The following COL4A4 variants were observed in gnomAD, a reference collection of about 807,000 sequenced individuals.
COL4A4 encodes collagen alpha-4(IV) chain.
COL4A4 carries 105 observed loss-of-function variants against 192.9 expected under a neutral mutation model. That is an observed-to-expected ratio of 0.54 (90% CI 0.46 to 0.64). The LOEUF is 0.64. Ranked by LOEUF, COL4A4 falls within the 30% of genes least tolerant of loss-of-function variation. COL4A4 has a pLI of 0.00. For synonymous variants in COL4A4, 762 were observed against 769.9 expected (o/e 0.99, Z 0.17); for missense variants, 1,967 against 2,169.3 (o/e 0.91, Z 1.85).
At chr2:226,974,805 C>G in the COL4A4 span, among the ~76,000 whole-genome samples, 1 of 152,206 alleles carries the variant, frequency 6.6e-6, no homozygotes, top group East Asian at 1.9e-4. Flanking sequence ...GTGAACCATA[C>G]AGTGCTCACG....
the COL4A4 span, among the ~76,000 whole-genome samples, chr2:226,987,653 A>G: frequency 6.6e-6 from 1 of 152,236 alleles, no homozygotes; most frequent in East Asian, 1.9e-4. Flanking sequence ...CTCTGGGTAC[A>G]GATGAGGGGC....
At chr2:227,125,517 A>G (rs16823241) in intron 4 of COL4A4, among the ~76,000 whole-genome samples, 3,473 of 151,868 alleles carry the variant, frequency 0.023, 54 homozygotes, top group Non-Finnish European at 0.037. Flanking sequence ...CCCATATAAA[A>G]TACTTCGGGA....
intron 44 of COL4A4, among the ~76,000 whole-genome samples, chr2:227,014,520 A>G (rs1964470374): frequency 6.6e-6 from 1 of 152,218 alleles, no homozygotes; most frequent in African/African-American, 2.4e-5. Context: ...AACAACAATA[A>G]TAGCAAACAC....
intron 22 of COL4A4, among the ~76,000 whole-genome samples, chr2:227,082,492 T>C (rs2059376101): frequency 6.6e-6 from 1 of 152,208 alleles, no homozygotes; most frequent in Non-Finnish European, 1.5e-5. Flanking sequence ...GTAAATATGG[T>C]TATGTGTATG....
chr2:227,127,706 T>G (rs2062173283), intron 4 of COL4A4, among the ~76,000 whole-genome samples: 1 of 152,192 alleles, frequency 6.6e-6, no homozygotes, highest in African/African-American at 2.4e-5. Context: ...GACAAAAATC[T>G]AAGAAATCGT....
intron 1 of COL4A4, among the ~76,000 whole-genome samples, chr2:227,151,997 G>C (rs1331225196): frequency 6.6e-6 from 1 of 152,194 alleles, no homozygotes; most frequent in East Asian, 1.9e-4. Flanking sequence ...CCAAGAGTGA[G>C]ATACTAATTT....
In COL4A4 at chr2:227,056,426, T is replaced by C. The variant is rs116247789; in HGVS notation, c.2546-311A>G. Among the ~76,000 whole-genome samples, 875 of 152,276 alleles carry C rather than the reference T, an allele frequency of 5.7e-3. 5 individuals are homozygous for C. The highest frequency in any genetic ancestry group is 0.02 in the African/African-American group (835 of 41,568). The stretch of plus-strand genomic sequence containing the variant: ...TTTCCTCTTGGTGGAGGGAAACTAA[T>C]AGAAGAAAACTTTCCAGGTTTTTCC... On this transcript the variant is annotated intron_variant, in intron 29 of 47. Coordinates refer to ENST00000396625, the MANE Select transcript of COL4A4 (RefSeq NM_000092.5).
intron 9 of COL4A4, 181 bp from the exon 10 acceptor site, chr2:227,109,467 G>A (rs1217262286): frequency 1.4e-6 from 1 of 709,358 alleles, no homozygotes; most frequent in Non-Finnish European, 2.6e-6. Context: ...GCACCAAGCA[G>A]TCCGGGCACG....
In COL4A4 at chr2:227,080,550, C is replaced by T. The variant is rs1559569975; in HGVS notation, c.1697-1G>A. On this transcript the variant is annotated splice_acceptor_variant, in intron 23 of 47. Coordinates refer to ENST00000396625, the MANE Select transcript of COL4A4 (RefSeq NM_000092.5). LOFTEE classifies it high-confidence loss of function. ...TCAGGACCTCTTTCTCCTTTGTGCCCTGGAAATAGAGGTCAAAAGATATTC... is the reference window on the plus strand; with the variant it reads ...TCAGGACCTCTTTCTCCTTTGTGCCTTGGAAATAGAGGTCAAAAGATATTC... 1.2e-6 allele frequency: 2 copies of T among 1,613,046 alleles called. No individual in the cohort carries two copies. Among genetic ancestry groups the T allele is most frequent in the Admixed American group, 3.3e-5 (2 of 59,988 alleles).
intron 37 of COL4A4, among the ~76,000 whole-genome samples, chr2:227,040,067 T>C (rs571232768): frequency 6.6e-6 from 1 of 152,342 alleles, no homozygotes; most frequent in Non-Finnish European, 1.5e-5. Context: ...AAAATTAGAA[T>C]TATTTCAAAG....
At chr2:226,994,458 A>G in the COL4A4 span, among the ~76,000 whole-genome samples, 2 of 152,212 alleles carry the variant, frequency 1.3e-5, no homozygotes, top group Non-Finnish European at 2.9e-5. Flanking sequence ...ATCGGGGTTG[A>G]CCTAGCATTA....
intron 23 of COL4A4, among the ~76,000 whole-genome samples, chr2:227,080,956 A>G (rs2059293231): frequency 1.3e-5 from 2 of 152,162 alleles, no homozygotes; most frequent in Admixed American, 1.3e-4. Context: ...GGCTCTCTTC[A>G]TCTCTGGATG....
the COL4A4 span, among the ~76,000 whole-genome samples, chr2:226,987,644 TCTGGGTACAGATGA>T: frequency 6.6e-6 from 1 of 152,194 alleles, no homozygotes; most frequent in African/African-American, 2.4e-5. Flanking sequence ...CAGGCCCCCC[TCTGGGTACAGATGA>T]GGGGCCTGAG....
intron 43 of COL4A4, among the ~76,000 whole-genome samples, chr2:227,022,767 C>G (rs545632467): frequency 6.6e-6 from 1 of 152,308 alleles, no homozygotes; most frequent in East Asian, 1.9e-4. Flanking sequence ...CCCAGAAATA[C>G]TGATTTACTT....
intron 44 of COL4A4, among the ~76,000 whole-genome samples, chr2:227,014,609 C>T (rs1409468190): frequency 6.6e-6 from 1 of 152,204 alleles, no homozygotes; most frequent in African/African-American, 2.4e-5. Context: ...CACAATCAGC[C>T]CTTCTTACAG....
chr2:227,008,111 C>T lies in COL4A4; in HGVS notation c.4716G>A (p.Pro1572=), dbSNP rs763806595. 14 of 1,613,916 alleles carry T rather than the reference C, an allele frequency of 8.7e-6. No individual in the cohort carries two copies. The East Asian group carries it at 1.6e-4, about 18-fold the overall frequency. ...GGCTGTGCACCGCCACCGCCTGGGC[C>T]GGGGCCTCGCATACCGCACAGCGGC... is the stretch of plus-strand genomic sequence containing the variant. ...YVSRCAVCEA[P]AQAVAVHSQD... The change falls in exon 47 of 48, where the codon CCG becomes CCA. Residue 1572 remains proline (P), a synonymous_variant. Transcript: ENST00000396625.
the COL4A4 span, among the ~76,000 whole-genome samples, chr2:226,967,592 C>G: frequency 7.0e-6 from 1 of 143,666 alleles, no homozygotes; most frequent in African/African-American, 2.6e-5. Context: ...TCATGATAAC[C>G]TATTAGTGGA....
chr2:227,006,642 A>G lies in COL4A4; in HGVS notation c.*683T>C, dbSNP rs1248951786. 3 of 152,336 alleles carry G rather than the reference A, an allele frequency of 2.0e-5. No homozygotes were observed. Among genetic ancestry groups the G allele is most frequent in the Non-Finnish European group, 4.4e-5 (3 of 68,162 alleles). The allele number at this position is 152,336 out of a possible 1,614,324, so 9.4% of individuals were successfully genotyped here. ...TGCAGAAGAGAACATAATGTTTTAT[A>G]TTCATCTGTGATGTGTTTATGCTAA... On this transcript the variant is annotated 3_prime_UTR_variant, in exon 48 of 48. Transcript: ENST00000396625.
rs2061945794 is a variant in COL4A4 at position 227,123,970 on chromosome 2, G to A, written c.193-2822C>T. On this transcript the variant is annotated intron_variant, in intron 4 of 47. Transcript: ENST00000396625. The surrounding 1 kb of genome is among the most constrained non-coding windows in gnomAD (Gnocchi z 4.6). Reference sequence around the variant, plus strand: ...TCTCTGTTCCTTGGCATCTTTATCTGTCAATGGCTTATGAGCATAAAAAGA... The same window carrying A: ...TCTCTGTTCCTTGGCATCTTTATCTATCAATGGCTTATGAGCATAAAAAGA... 3.3e-5 allele frequency among the ~76,000 whole-genome samples: 5 copies of A among 152,234 alleles called. No homozygotes were observed. The South Asian group carries it at 1.0e-3, about 32-fold the overall frequency.
Sources: gnomAD v4.1 joint callset for allele counts (sites outside exome capture counted in the v4.1 genomes callset) on GRCh38, gnomAD v4.1.1 for gene constraint, Gnocchi (gnomAD v3.1) non-coding constraint, MANE v1.5 for transcripts, NCBI Gene and HGNC (gene_info 2026-07-23, HGNC 2026-07-21) for gene names.